Variants in TFEC observed in about 807,000 individuals in gnomAD.
TFEC encodes the protein class E basic helix-loop-helix protein 34.
A neutral mutation model predicts 41.6 loss-of-function variants in TFEC; 31 were observed. That is an observed-to-expected ratio of 0.74 (90% CI 0.56 to 1.01). TFEC has a LOEUF of 1.01. Ranked by LOEUF, TFEC falls within the 50% of genes least tolerant of loss-of-function variation. The pLI, the probability that TFEC is intolerant of heterozygous loss-of-function variation, is 0.00. For synonymous variants in TFEC, 143 were observed against 140.6 expected (o/e 1.02, Z -0.12); for missense variants, 402 against 404.1 (o/e 0.99, Z 0.04).
Position 115,940,733 on chromosome 7 carries a change from A to G in TFEC, c.862T>C (p.Tyr288His). 1 of 1,613,532 alleles carries G rather than the reference A, an allele frequency of 6.2e-7. No homozygotes were observed. The highest frequency in any genetic ancestry group is 8.5e-7 in the Non-Finnish European group (1 of 1,179,618). The change falls in exon 8 of 8, where the codon TAC becomes CAC. Residue 288 changes from tyrosine to histidine, a missense_variant. Physicochemically the swap from Tyr to His is moderately conservative, Grantham distance 83. Coordinates refer to ENST00000265440, the MANE Select transcript of TFEC (RefSeq NM_012252.4). ...GCACTAAATGATAAATCTGTGAAGT[A>G]TGACAAAGGATCAGAAAAGGCTATA... ...QAIAFSDPLSYFTDLSFSAAL... is the reference protein window; with the variant it reads ...QAIAFSDPLSHFTDLSFSAAL...
intron 3 of TFEC, among the ~76,000 whole-genome samples, chr7:116,056,590 A>G (rs541632090): frequency 7.2e-5 from 11 of 152,252 alleles, no homozygotes; most frequent in Admixed American, 7.2e-4. Flanking sequence ...GAAAGCACAG[A>G]AAGATCTCGC....
At chr7:115,980,767 AAC>A (rs1793593185) in intron 2 of TFEC, among the ~76,000 whole-genome samples, 1 of 141,520 alleles carries the variant, frequency 7.1e-6, no homozygotes, top group African/African-American at 2.7e-5. Context: ...AACAAAACAA[AAC>A]AAAAAAAACA....
At chr7:115,988,087 T>A (rs1245242031) in intron 1 of TFEC, among the ~76,000 whole-genome samples, 5 of 152,154 alleles carry the variant, frequency 3.3e-5, no homozygotes, top group Admixed American at 3.3e-4. Context: ...GAGAATATTT[T>A]CCTTTACCCA....
chr7:115,979,352 C>A (rs1793523778), intron 2 of TFEC, among the ~76,000 whole-genome samples: 1 of 151,998 alleles, frequency 6.6e-6, no homozygotes, highest in African/African-American at 2.4e-5. Flanking sequence ...ACACTGCTTC[C>A]CATCTCTATT....
chr7:116,047,361 C>T lies in TFEC; in HGVS notation c.199-62848G>A, dbSNP rs531997379. On this transcript the variant is annotated intron_variant, in intron 3 of 8. Coordinates refer to the TFEC transcript ENST00000484212. Reference sequence around the variant, plus strand: ...GCACACCAGGAGATTATATCCTGCACCTGGCTCGGAGGGTCCCACACCCAC... The same window carrying T: ...GCACACCAGGAGATTATATCCTGCATCTGGCTCGGAGGGTCCCACACCCAC... 2.0e-5 allele frequency among the ~76,000 whole-genome samples: 3 copies of T among 152,278 alleles called. No homozygotes were observed. In the South Asian group the frequency reaches 6.2e-4, roughly 32 times the overall value.
chr7:115,937,037 T>C lies in TFEC; in HGVS notation c.*3514A>G, dbSNP rs1793261854. The stretch of plus-strand genomic sequence containing the variant: ...AAAAATTGTAAAGAGCTGTATCTAC[T>C]CACAGGAGGTCATCATTATTTTAAG... On this transcript the variant is annotated 3_prime_UTR_variant, in exon 8 of 8. Transcript: ENST00000265440. 1 of 151,562 alleles carries C rather than the reference T, an allele frequency of 6.6e-6. No individual in the cohort carries two copies. 9.4% of individuals were successfully genotyped at this position (151,562 alleles called of 1,614,324 possible). A position where few individuals can be genotyped will look rare whatever the true frequency, so the allele number is the denominator to read the frequency against.
chr7:116,098,379 G>A (rs1275895656), intron 3 of TFEC, among the ~76,000 whole-genome samples: 1 of 151,972 alleles, frequency 6.6e-6, no homozygotes, highest in Non-Finnish European at 1.5e-5. Context: ...GACTGGTCTC[G>A]GCGTGAACCA....
chr7:116,149,463 T>C (rs1170018828), intron 1 of TFEC, among the ~76,000 whole-genome samples: 1 of 152,182 alleles, frequency 6.6e-6, no homozygotes, highest in East Asian at 1.9e-4. Context: ...ACCAATAGTT[T>C]AAAATCTTCC....
At chr7:116,119,513 C>T (rs1425461385) in intron 1 of TFEC, among the ~76,000 whole-genome samples, 10 of 151,420 alleles carry the variant, frequency 6.6e-5, no homozygotes, top group Non-Finnish European at 1.3e-4. Flanking sequence ...ATCATACGTA[C>T]AATATTTTGA....
rs1793343982 is a variant in TFEC, at chr7:115,938,660, A to G, written c.*1891T>C. ...TATCAGCATTAGGGTCTCACATTTCATAGTGACATATTTTCCATGTGAGAA... is the reference window on the plus strand; with the variant it reads ...TATCAGCATTAGGGTCTCACATTTCGTAGTGACATATTTTCCATGTGAGAA... On this transcript the variant is annotated 3_prime_UTR_variant, in exon 8 of 8. Coordinates refer to ENST00000265440, the MANE Select transcript of TFEC (RefSeq NM_012252.4). The G allele has an allele frequency of 2.0e-5, 3 of 151,918 alleles. No individual in the cohort carries two copies. Among genetic ancestry groups the G allele is most frequent in the Admixed American group, 2.0e-4 (3 of 15,214 alleles). 9.4% of individuals were successfully genotyped at this position (151,918 alleles called of 1,614,324 possible).
Position 115,984,490 on chromosome 7 carries a change from A to C in TFEC, c.-49T>G, listed in dbSNP as rs1793767538. The C allele has an allele frequency of 6.2e-7, 1 of 1,614,024 alleles. No individual in the cohort carries two copies. The highest frequency in any genetic ancestry group is 2.2e-5 in the East Asian group (1 of 44,838). On this transcript the variant is annotated 5_prime_UTR_variant, in exon 2 of 8. Transcript: ENST00000265440. ...GGGCTTTCTGTAGCTGAGGCCTTGC[A>C]GAACTTTCCAGGTGTGCTGGGACCT... is the stretch of plus-strand genomic sequence containing the variant.
chr7:116,142,445 T>G (rs532577612), intron 1 of TFEC, among the ~76,000 whole-genome samples: 1 of 152,132 alleles, frequency 6.6e-6, no homozygotes, highest in East Asian at 1.9e-4. Flanking sequence ...GCTACAATTG[T>G]ACTGTATGAC....
intron 1 of TFEC, among the ~76,000 whole-genome samples, chr7:116,020,041 G>A (rs937571516): frequency 6.6e-6 from 1 of 152,162 alleles, no homozygotes. Flanking sequence ...AGCTCTGCCT[G>A]CCTTGCTTCA....
intron 5 of TFEC, among the ~76,000 whole-genome samples, chr7:115,952,739 C>A (rs1439693663): frequency 6.6e-6 from 1 of 152,008 alleles, no homozygotes; most frequent in Non-Finnish European, 1.5e-5. Context: ...TACTTCATGT[C>A]ATGGTGGTTT....
intron 1 of TFEC, among the ~76,000 whole-genome samples, chr7:116,127,334 C>T (rs1317905632): frequency 1.3e-5 from 2 of 152,102 alleles, no homozygotes; most frequent in African/African-American, 4.8e-5. Context: ...CCCCTTGCCT[C>T]GGCCTCCCAA....
intron 4 of TFEC, among the ~76,000 whole-genome samples, chr7:115,954,976 A>G (rs1792145936): frequency 6.6e-6 from 1 of 152,084 alleles, no homozygotes; most frequent in African/African-American, 2.4e-5. Context: ...TCATTGTGAT[A>G]ACCAAAAGAA....
At position 115,981,440 on chromosome 7, in the gene TFEC, C is replaced by G. The variant is rs574928164; in HGVS notation, c.180+2822G>C. Among the ~76,000 whole-genome samples, 3 of 152,078 alleles carry G rather than the reference C, an allele frequency of 2.0e-5. No individual in the cohort carries two copies. In the East Asian group the frequency reaches 5.8e-4, roughly 29 times the overall value. On this transcript the variant is annotated intron_variant, in intron 2 of 7. Coordinates refer to ENST00000265440, the MANE Select transcript of TFEC (RefSeq NM_012252.4). ...TAAAGTATCACTGTACTAATAACAG[C>G]AAGTAGAGAAATATTATTGAAATAA... is the stretch of plus-strand genomic sequence containing the variant.
intron 1 of TFEC, among the ~76,000 whole-genome samples, chr7:116,134,576 G>A (rs1798399481): frequency 2.6e-5 from 4 of 151,992 alleles, no homozygotes; most frequent in South Asian, 4.2e-4. Flanking sequence ...AGTAAATGTG[G>A]TTAGTTTTGA....
At chr7:115,966,516 T>C (rs1271584072) in intron 3 of TFEC, among the ~76,000 whole-genome samples, 2 of 151,586 alleles carry the variant, frequency 1.3e-5, no homozygotes, top group African/African-American at 4.8e-5. Context: ...TTACAACAAC[T>C]CTAGTATTAT....
Sources: gnomAD v4.1 joint callset for allele counts (sites outside exome capture counted in the v4.1 genomes callset) on GRCh38, gnomAD v4.1.1 for gene constraint, MANE v1.5 for transcripts, NCBI Gene and HGNC (gene_info 2026-07-23, HGNC 2026-07-21) for gene names.